Variants in IGF1R observed in about 807,000 individuals in gnomAD.
IGF1R encodes the protein insulin like growth factor 1 receptor.
IGF1R carries 44 observed loss-of-function variants against 144.6 expected under a neutral mutation model. The observed-to-expected ratio is 0.30, with a 90% CI of 0.24 to 0.39. IGF1R has a LOEUF of 0.39. Among genes scored for constraint, IGF1R ranks in the 10% least tolerant of loss-of-function variants. IGF1R has a pLI of 1.00. For synonymous variants in IGF1R, 795 were observed against 722.8 expected, an observed-to-expected ratio of 1.10 and a Z score of -1.60; for missense variants, 1,355 against 1,833.7, an observed-to-expected ratio of 0.74 and a Z score of 4.77.
rs988442542 is a variant in IGF1R, at chr15:98,962,038, G to A, written c.*4596G>A. On this transcript the variant is annotated 3_prime_UTR_variant, in exon 21 of 21. Transcript: ENST00000650285. The stretch of plus-strand genomic sequence containing the variant: ...CTGGCACCAGATTCTAGGCCAGTTT[G>A]TTCCACTGAAGCTTTTCCCACAGCA... The A allele has an allele frequency of 4.3e-6, 1 of 233,244 alleles. No individual in the cohort carries two copies. Among genetic ancestry groups the A allele is most frequent in the Non-Finnish European group, 8.5e-6 (1 of 118,088 alleles). The allele number at this position is 233,244 out of a possible 1,614,324, so 14.4% of individuals were successfully genotyped here. A position where few individuals can be genotyped will look rare whatever the true frequency, so the allele number is the denominator to read the frequency against.
intron 20 of IGF1R, among the ~76,000 whole-genome samples, chr15:98,955,188 G>A (rs553056240): frequency 2.0e-5 from 3 of 152,244 alleles, no homozygotes; most frequent in Admixed American, 6.5e-5. Flanking sequence ...TAACTGCCTC[G>A]CTGCCTGGCA....
rs75174074 is a variant in IGF1R, at chr15:98,725,566, C to T, written c.640+17459C>T. ...CCATGCATGCCGGTCTTTGGGACTC[C>T]TAGATGTGGACCCTGGAGTGAATAG... On this transcript the variant is annotated intron_variant, in intron 2 of 20. Coordinates refer to ENST00000650285, the MANE Select transcript of IGF1R (RefSeq NM_000875.5). Among the ~76,000 whole-genome samples, 18 of 152,268 alleles carry T rather than the reference C, an allele frequency of 1.2e-4. No homozygotes were observed. The East Asian group carries it at 3.5e-3, about 29-fold the overall frequency.
chr15:98,952,640 A>G (rs2016824243), intron 20 of IGF1R, among the ~76,000 whole-genome samples: 1 of 152,272 alleles, frequency 6.6e-6, no homozygotes, highest in East Asian at 1.9e-4. Context: ...ACGTTTATCT[A>G]CAAGAGACTT....
intron 5 of IGF1R, among the ~76,000 whole-genome samples, chr15:98,902,218 G>A (rs1351056855): frequency 1.3e-5 from 2 of 152,060 alleles, no homozygotes; most frequent in East Asian, 3.9e-4. Context: ...AGGAATCAGT[G>A]CTTGTCTAAA....
chr15:98,652,194 G>A (rs905578116), intron 1 of IGF1R, among the ~76,000 whole-genome samples: 3 of 152,236 alleles, frequency 2.0e-5, no homozygotes, highest in Non-Finnish European at 4.4e-5. Flanking sequence ...ACCATAATGT[G>A]AACAGAGCAT....
At chr15:98,749,130 G>A (rs974455495) in intron 2 of IGF1R, among the ~76,000 whole-genome samples, 1 of 150,808 alleles carries the variant, frequency 6.6e-6, no homozygotes, top group Non-Finnish European at 1.5e-5. Flanking sequence ...TTTCATTTAG[G>A]TAGGCTTAGC....
At chr15:98,752,552 G>A (rs1318594685) in intron 2 of IGF1R, among the ~76,000 whole-genome samples, 2 of 151,930 alleles carry the variant, frequency 1.3e-5, no homozygotes, top group African/African-American at 2.4e-5. Flanking sequence ...GCGTGGTGGC[G>A]GGCACCTGTA....
chr15:98,963,523 T>C lies in IGF1R; in HGVS notation c.*6081T>C, dbSNP rs779484132. ...CAGCCGAGGTGTTGGAGCCCAGCAG[T>C]GCATGGCACCGTTCGGCATCTGGCT... On this transcript the variant is annotated 3_prime_UTR_variant, in exon 21 of 21. Transcript: ENST00000650285. 3 of 233,220 alleles carry C rather than the reference T, an allele frequency of 1.3e-5. No individual in the cohort carries two copies. The highest frequency in any genetic ancestry group is 2.2e-5 in the African/African-American group (1 of 45,364). 14.4% of individuals were successfully genotyped at this position (233,220 alleles called of 1,614,324 possible). A position where few individuals can be genotyped will look rare whatever the true frequency, so the allele number is the denominator to read the frequency against.
intron 2 of IGF1R, among the ~76,000 whole-genome samples, chr15:98,795,632 G>A (rs1259714642): frequency 6.6e-6 from 1 of 152,180 alleles, no homozygotes; most frequent in Non-Finnish European, 1.5e-5. Flanking sequence ...TAGCCAGGAT[G>A]GTCTTGATCT....
At position 98,744,990 on chromosome 15, in the gene IGF1R, A is replaced by T. The variant is rs113666501; in HGVS notation, c.640+36883A>T. On this transcript the variant is annotated intron_variant, in intron 2 of 20. Coordinates refer to ENST00000650285, the MANE Select transcript of IGF1R (RefSeq NM_000875.5). ...CTGAGAGGAGCCAGGATTGAATCGT[A>T]GCCTTGTCCTCTGACCTGGAGGTCT... 7.0e-3 allele frequency among the ~76,000 whole-genome samples: 1,064 copies of T among 152,244 alleles called. 7 individuals are homozygous for T. The highest frequency in any genetic ancestry group is 9.8e-3 in the Non-Finnish European group (664 of 68,016).
chr15:98,682,174 G>A (rs1226832203), intron 1 of IGF1R, among the ~76,000 whole-genome samples: 1 of 152,156 alleles, frequency 6.6e-6, no homozygotes, highest in Non-Finnish European at 1.5e-5. Context: ...GAACTTGTTG[G>A]AAATGATTTT....
At chr15:98,897,038 C>A in intron 4 of IGF1R, 133 bp downstream of exon 4, 1 of 788,384 alleles carries the variant, frequency 1.3e-6, no homozygotes, top group Non-Finnish European at 2.1e-6. Flanking sequence ...AAGCCTCACG[C>A]ATGACGTCTC....
Position 98,648,833 on chromosome 15 carries a change from C to A in IGF1R, c.-749C>A, listed in dbSNP as rs1159200536. On this transcript the variant is annotated 5_prime_UTR_variant, in exon 1 of 21. Transcript: ENST00000650285. ...CTGTGACCTTCAGCGAGCCGGAGCC[C>A]CCGCGCAGAGCAGGCGGCGGCGGGC... The A allele has an allele frequency of 2.0e-5, 3 of 153,070 alleles. No homozygotes were observed. Among genetic ancestry groups the A allele is most frequent in the South Asian group, 1.9e-4 (1 of 5,320 alleles). 9.5% of individuals were successfully genotyped at this position (153,070 alleles called of 1,614,324 possible). A position where few individuals can be genotyped will look rare whatever the true frequency, so the allele number is the denominator to read the frequency against.
intron 2 of IGF1R, among the ~76,000 whole-genome samples, chr15:98,812,819 G>A (rs529707837): frequency 3.9e-5 from 6 of 152,042 alleles, no homozygotes; most frequent in African/African-American, 1.5e-4. Flanking sequence ...TTGGGGCATT[G>A]TCCTTGGGCT....
intron 18 of IGF1R, among the ~76,000 whole-genome samples, chr15:98,940,408 G>A (rs887319841): frequency 2.0e-5 from 3 of 152,096 alleles, no homozygotes; most frequent in Admixed American, 6.6e-5. Flanking sequence ...TTTAGAGAAC[G>A]GTTTCTTTTT....
chr15:98,888,323 T>G (rs1343015452), intron 2 of IGF1R, among the ~76,000 whole-genome samples: 1 of 152,174 alleles, frequency 6.6e-6, no homozygotes, highest in Non-Finnish European at 1.5e-5. Flanking sequence ...AACATGAAAT[T>G]GGAATACCCA....
intron 2 of IGF1R, among the ~76,000 whole-genome samples, chr15:98,868,344 A>AAAAAAAAAAAAAAAAG (rs1555454784): frequency 7.5e-6 from 1 of 132,800 alleles, no homozygotes; most frequent in African/African-American, 2.7e-5. Context: ...AAAAAAAAAA[A>AAAAAAAAAAAAAAAAG]GCCAAATCTG....
intron 1 of IGF1R, among the ~76,000 whole-genome samples, chr15:98,690,185 A>T (rs2053441120): frequency 6.6e-6 from 1 of 152,110 alleles, no homozygotes; most frequent in African/African-American, 2.4e-5. Context: ...CTACAAAAAA[A>T]TTAAAAAATT....
At chr15:98,786,866 C>A (rs914141051) in intron 2 of IGF1R, among the ~76,000 whole-genome samples, 2 of 152,158 alleles carry the variant, frequency 1.3e-5, no homozygotes, top group African/African-American at 4.8e-5. Flanking sequence ...AGCCTTTCCC[C>A]ACTTTGTTGC....
Sources: gnomAD v4.1 joint callset for allele counts (sites outside exome capture counted in the v4.1 genomes callset) on GRCh38, gnomAD v4.1.1 for gene constraint, MANE v1.5 for transcripts, NCBI Gene and HGNC (gene_info 2026-07-23, HGNC 2026-07-21) for gene names.